Variants in MAF observed in about 807,000 individuals in gnomAD.
The protein encoded by MAF is transcription factor Maf.
Under a neutral mutation model 22.0 loss-of-function variants are expected in MAF, and 10 were observed. That is an observed-to-expected ratio of 0.45 (90% CI 0.28 to 0.77). The LOEUF (loss-of-function observed/expected upper bound fraction) is 0.77. Ranked by LOEUF, MAF falls within the 30% of genes least tolerant of loss-of-function variation. MAF has a pLI of 0.12. For missense variants in MAF, 544 were observed against 548.4 expected (o/e 0.99, Z 0.08); for synonymous variants, 337 against 255.8 (o/e 1.32, Z -3.03).
At chr16:79,300,224 T>C in the MAF span, among the ~76,000 whole-genome samples, 1 of 152,222 alleles carries the variant, frequency 6.6e-6, no homozygotes, top group Non-Finnish European at 1.5e-5. Flanking sequence ...ACAACATTTA[T>C]TGACTGCTAT....
At chr16:79,588,662 A>G (rs955835284) in intron 1 of MAF, among the ~76,000 whole-genome samples, 3 of 151,980 alleles carry the variant, frequency 2.0e-5, no homozygotes, top group African/African-American at 4.8e-5. Flanking sequence ...GGGTTTCACC[A>G]GGTTGGCCAG....
the MAF span, among the ~76,000 whole-genome samples, chr16:79,474,284 T>C: frequency 6.6e-6 from 1 of 152,188 alleles, no homozygotes; most frequent in Admixed American, 6.5e-5. Flanking sequence ...TTGGGGGAAA[T>C]TATCCTTGCC....
At chr16:79,575,022 A>AT in the MAF span, among the ~76,000 whole-genome samples, 61,887 of 143,570 alleles carry the variant, frequency 0.43, 13,182 homozygotes, top group Non-Finnish European at 0.49. Flanking sequence ...ATCACTGGGA[A>AT]TTTTTTTTTT....
chr16:79,268,209 C>T, the MAF span, among the ~76,000 whole-genome samples: 3 of 152,054 alleles, frequency 2.0e-5, no homozygotes, highest in African/African-American at 7.3e-5. Context: ...TTGGAATCAG[C>T]TACCCCCTCT....
chr16:79,591,251 T>A (rs186858225), downstream of MAF, among the ~76,000 whole-genome samples: 1 of 152,248 alleles, frequency 6.6e-6, no homozygotes, highest in East Asian at 1.9e-4. Flanking sequence ...GGTCTGCAGC[T>A]CACACCAAGG....
chr16:79,400,401 G>A, the MAF span, among the ~76,000 whole-genome samples: 1 of 152,224 alleles, frequency 6.6e-6, no homozygotes, highest in Non-Finnish European at 1.5e-5. Context: ...CATGGAATAA[G>A]GAGAATTCCA....
the MAF span, among the ~76,000 whole-genome samples, chr16:79,547,985 T>C: frequency 1.3e-5 from 2 of 152,008 alleles, no homozygotes; most frequent in East Asian, 3.9e-4. Context: ...TAAATATATT[T>C]CTAATACATG....
At chr16:79,265,706 C>G in the MAF span, among the ~76,000 whole-genome samples, 1 of 152,220 alleles carries the variant, frequency 6.6e-6, no homozygotes, top group Non-Finnish European at 1.5e-5. Flanking sequence ...TCTTAGCAAT[C>G]TCAGCACACA....
the MAF span, among the ~76,000 whole-genome samples, chr16:79,512,741 G>C: frequency 6.6e-5 from 10 of 152,216 alleles, no homozygotes; most frequent in African/African-American, 1.9e-4. Flanking sequence ...GCGTGAGTCA[G>C]GTTTTGTGGC....
At chr16:79,480,326 A>ATT in the MAF span, among the ~76,000 whole-genome samples, 25,155 of 150,834 alleles carry the variant, frequency 0.17, 3,236 homozygotes, top group African/African-American at 0.36. Context: ...TTGAAATACA[A>ATT]TTTTTTTTTT....
At chr16:79,573,933 C>T in the MAF span, among the ~76,000 whole-genome samples, 1 of 152,190 alleles carries the variant, frequency 6.6e-6, no homozygotes, top group Non-Finnish European at 1.5e-5. Flanking sequence ...TTTTACCAGG[C>T]TCTTATCTCC....
At chr16:79,249,418 C>CA in the MAF span, among the ~76,000 whole-genome samples, 1,536 of 102,404 alleles carry the variant, frequency 0.015, 20 homozygotes, top group African/African-American at 0.037. Context: ...AACTCCGTTT[C>CA]AAAAAAAAAA....
the MAF span, among the ~76,000 whole-genome samples, chr16:79,236,660 C>A: frequency 6.6e-6 from 1 of 152,024 alleles, no homozygotes. Context: ...CAAGGCTAGA[C>A]TGGAGGCCCT....
At chr16:79,332,759 C>A in the MAF span, among the ~76,000 whole-genome samples, 1 of 152,192 alleles carries the variant, frequency 6.6e-6, no homozygotes, top group Non-Finnish European at 1.5e-5. Flanking sequence ...GTCTGACGAA[C>A]AACCAGCCTA....
chr16:79,358,300 G>T, the MAF span, among the ~76,000 whole-genome samples: 61 of 152,194 alleles, frequency 4.0e-4, no homozygotes, highest in Non-Finnish European at 7.6e-4. Flanking sequence ...AGGCTACAGG[G>T]TGATGATTGC....
chr16:79,507,749 G>A, the MAF span, among the ~76,000 whole-genome samples: 1 of 152,154 alleles, frequency 6.6e-6, no homozygotes, highest in Non-Finnish European at 1.5e-5. Context: ...TACTCAACAT[G>A]TGTTTGGGAA....
the MAF span, among the ~76,000 whole-genome samples, chr16:79,516,599 C>G: frequency 4.6e-5 from 7 of 152,224 alleles, no homozygotes; most frequent in Non-Finnish European, 1.0e-4. Context: ...TTACTCTGTG[C>G]TAGACACTGC....
downstream of MAF, among the ~76,000 whole-genome samples, chr16:79,592,324 C>T (rs1052805375): frequency 2.0e-4 from 31 of 152,138 alleles, no homozygotes; most frequent in Admixed American, 2.6e-4. Flanking sequence ...ATTCTCTCAC[C>T]CTGTCCCCTA....
the MAF span, among the ~76,000 whole-genome samples, chr16:79,230,082 C>T: frequency 6.6e-6 from 1 of 152,116 alleles, no homozygotes; most frequent in Admixed American, 6.6e-5. Flanking sequence ...TATTTAATCA[C>T]TGATCTTGTA....
Sources: gnomAD v4.1 joint callset for allele counts (sites outside exome capture counted in the v4.1 genomes callset) on GRCh38, gnomAD v4.1.1 for gene constraint, MANE v1.5 for transcripts, NCBI Gene and HGNC (gene_info 2026-07-23, HGNC 2026-07-21) for gene names.